Variants in PCDHGB4 observed in about 807,000 individuals in gnomAD.
PCDHGB4 encodes the protein protocadherin gamma-B4.
PCDHGB4 carries 38 observed loss-of-function variants against 60.5 expected under a neutral mutation model. That is an observed-to-expected ratio of 0.63 (90% CI 0.48 to 0.82). The LOEUF is 0.82. Ranked by LOEUF, PCDHGB4 falls within the 40% of genes least tolerant of loss-of-function variation. The pLI is 0.00. For synonymous variants in PCDHGB4, 456 were observed against 509.7 expected (o/e 0.89, Z 1.42); for missense variants, 1,109 against 1,209.6 (o/e 0.92, Z 1.23).
chr5:141,490,396 A>G lies in PCDHGB4; in HGVS notation c.2398-4411A>G. ...GGACTCAGGTAGAAATGGTGAAGTGAGCCTTGATATCTCTCCGGACCTGCC... is the reference window on the plus strand; with the variant it reads ...GGACTCAGGTAGAAATGGTGAAGTGGGCCTTGATATCTCTCCGGACCTGCC... On this transcript the variant is annotated intron_variant, in intron 1 of 3. Coordinates refer to ENST00000519479, the MANE Select transcript of PCDHGB4 (RefSeq NM_003736.4). The surrounding 1 kb of genome is among the most constrained non-coding windows in gnomAD (Gnocchi z 5.4). 1 of 1,614,146 alleles carries G rather than the reference A, an allele frequency of 6.2e-7. No homozygotes were observed. The highest frequency in any genetic ancestry group is 8.5e-7 in the Non-Finnish European group (1 of 1,180,030).
At chr5:141,453,932 C>T (rs57919166) in intron 1 of PCDHGB4, among the ~76,000 whole-genome samples, 2 of 152,296 alleles carry the variant, frequency 1.3e-5, no homozygotes, top group African/African-American at 4.8e-5. Context: ...TCACTGTGTG[C>T]CTATAATTTA....
intron 1 of PCDHGB4, among the ~76,000 whole-genome samples, chr5:141,470,055 G>A (rs1432696943): frequency 1.3e-5 from 2 of 152,192 alleles, no homozygotes; most frequent in Non-Finnish European, 1.5e-5. Context: ...TTTGAACCCC[G>A]GAGGCAGAGA....
At chr5:141,500,167 A>C (rs976308963) in intron 2 of PCDHGB4, among the ~76,000 whole-genome samples, 1 of 150,656 alleles carries the variant, frequency 6.6e-6, no homozygotes, top group African/African-American at 2.4e-5. Context: ...AAGAACATGC[A>C]TGAGCTTCAT....
At position 141,498,971 on chromosome 5, in the gene PCDHGB4, G is replaced by GGGAAGGAAGGAA. The variant is rs201769957; in HGVS notation, c.2456+4152_2456+4163dup. On this transcript the variant is annotated intron_variant, in intron 2 of 3. Coordinates refer to ENST00000519479, the MANE Select transcript of PCDHGB4 (RefSeq NM_003736.4). ...AAAAAGAGAGAGAGGGAGGGAGGGA[G>GGGAAGGAAGGAA]GGAAGGAAGGAAGGAAGGAAGGAAG... 6.8e-3 allele frequency among the ~76,000 whole-genome samples: 758 copies of GGGAAGGAAGGAA among 111,036 alleles called. 12 individuals are homozygous for GGGAAGGAAGGAA. Among genetic ancestry groups the GGGAAGGAAGGAA allele is most frequent in the African/African-American group, 0.021 (585 of 27,816 alleles). 72.8% of individuals were successfully genotyped at this position (111,036 alleles called of 152,430 possible). A position where few individuals can be genotyped will look rare whatever the true frequency, so the allele number is the denominator to read the frequency against.
chr5:141,468,801 A>G (rs949203275), intron 1 of PCDHGB4, among the ~76,000 whole-genome samples: 15 of 151,736 alleles, frequency 9.9e-5, no homozygotes, highest in South Asian at 2.1e-4. Context: ...GGGAGGCGGA[A>G]CTTGCAGTGA....
chr5:141,410,415 T>C (rs1589759810), intron 1 of PCDHGB4: 1 of 1,614,066 alleles, frequency 6.2e-7, no homozygotes. Flanking sequence ...TCTGGACCTG[T>C]AGTTCCCCCC....
At chr5:141,420,190 A>T in intron 1 of PCDHGB4, 3 of 1,613,922 alleles carry the variant, frequency 1.9e-6, no homozygotes, top group Non-Finnish European at 2.5e-6. Flanking sequence ...GTCCAGCCAC[A>T]CAAGATAACC....
At chr5:141,409,638 C>A (rs1040366842) in intron 1 of PCDHGB4, 1 of 1,613,648 alleles carries the variant, frequency 6.2e-7, no homozygotes, top group Admixed American at 1.7e-5. Flanking sequence ...GCCTCTGACC[C>A]GGATTTGGGG....
chr5:141,389,205 G>A lies in PCDHGB4; in HGVS notation c.1321G>A (p.Gly441Ser). The change falls in exon 1 of 4, where the codon GGT becomes AGT. Residue 441 changes from glycine (G) to serine (S), a missense_variant. Physicochemically the swap from Gly to Ser is moderately conservative, Grantham distance 56 (BLOSUM62 0). Transcript: ENST00000519479. The stretch of plus-strand genomic sequence containing the variant: ...CAGTTCCAGCATCACCCTGCACATT[G>A]GTGATGTAAATGACAACGCTCCGGT... Reference protein sequence around the residue: ...SSSSSITLHIGDVNDNAPVFS... With the variant: ...SSSSSITLHISDVNDNAPVFS... 6.2e-7 allele frequency: 1 copy of A among 1,614,040 alleles called. No individual in the cohort carries two copies. The highest frequency in any genetic ancestry group is 8.5e-7 in the Non-Finnish European group (1 of 1,179,898).
In PCDHGB4 at chr5:141,415,753, T is replaced by G. The variant is rs763784703; in HGVS notation, c.2397+25472T>G. On this transcript the variant is annotated intron_variant, in intron 1 of 3. Transcript: ENST00000519479. The stretch of plus-strand genomic sequence containing the variant: ...ATGTTTATTAAGGTTTTTTTTTTTT[T>G]TTTTTTTTTTTTTTTTTTTACTTTC... 6.3e-5 allele frequency: 87 copies of G among 1,381,374 alleles called. 1 individual carries two copies. The highest frequency in any genetic ancestry group is 3.3e-4 in the Admixed American group (10 of 29,906). 85.6% of individuals were successfully genotyped at this position (1,381,374 alleles called of 1,614,324 possible).
At chr5:141,470,511 A>T (rs1043414941) in intron 1 of PCDHGB4, among the ~76,000 whole-genome samples, 37 of 152,198 alleles carry the variant, frequency 2.4e-4, no homozygotes, top group African/African-American at 8.7e-4. Flanking sequence ...TTAGACAGTT[A>T]GCTAATATTA....
intron 1 of PCDHGB4, chr5:141,393,420 G>A (rs2092755571): frequency 1.2e-6 from 2 of 1,614,050 alleles, no homozygotes; most frequent in Non-Finnish European, 1.7e-6. Context: ...CCTGGACAGG[G>A]AGGAAGAGGC....
At chr5:141,508,033 C>A (rs1596123382) in intron 3 of PCDHGB4, 1 of 152,290 alleles carries the variant, frequency 6.6e-6, no homozygotes, top group Non-Finnish European at 1.5e-5. Flanking sequence ...GTTTGCAGCT[C>A]AGCCAGCTGT....
chr5:141,389,424 G>A lies in PCDHGB4; in HGVS notation c.1540G>A (p.Ala514Thr), dbSNP rs746873845. 51 of 1,613,390 alleles carry A rather than the reference G, an allele frequency of 3.2e-5. No homozygotes were observed. Among genetic ancestry groups the A allele is most frequent in the East Asian group, 8.9e-5 (4 of 44,896 alleles). The stretch of plus-strand genomic sequence containing the variant: ...AAGCGCGGAGAGCGGGGTGGTGTTC[G>A]CGCAGCGCGCCTTCGACCACGAGCA... ...SISAESGVVFAQRAFDHEQLR... is the reference protein window; with the variant it reads ...SISAESGVVFTQRAFDHEQLR... The change falls in exon 1 of 4, where the codon GCG (alanine) becomes ACG (threonine). Residue 514 changes from alanine (A) to threonine (T), a missense_variant. Transcript: ENST00000519479.
intron 1 of PCDHGB4, chr5:141,420,319 G>A (rs1393746531): frequency 7.0e-7 from 1 of 1,437,540 alleles, no homozygotes; most frequent in Non-Finnish European, 9.4e-7. Flanking sequence ...ATTACAATAT[G>A]CCAATATATT....
intron 1 of PCDHGB4, chr5:141,413,494 G>C: frequency 6.2e-7 from 1 of 1,614,042 alleles, no homozygotes; most frequent in Non-Finnish European, 8.5e-7. Flanking sequence ...CGCGCGGTGC[G>C]TGGTGAGTTT....
intron 1 of PCDHGB4, chr5:141,393,020 A>G: frequency 2.5e-6 from 4 of 1,613,760 alleles, no homozygotes; most frequent in Non-Finnish European, 3.4e-6. Flanking sequence ...TCGTCTCCAG[A>G]GGTAGGACGC....
rs765047622 is a variant in PCDHGB4 at position 141,486,776 on chromosome 5, G to A, written c.2398-8031G>A. On this transcript the variant is annotated intron_variant, in intron 1 of 3. Coordinates refer to ENST00000519479, the MANE Select transcript of PCDHGB4 (RefSeq NM_003736.4). This position sits in a 1 kb window ranked among gnomAD's most constrained non-coding sequence, Gnocchi z 5.0. ...GCAAACCCAGACACTGCAGTTTGAGGTGCAGGCCCGGGATCGGGGCAACCC... is the reference window on the plus strand; with the variant it reads ...GCAAACCCAGACACTGCAGTTTGAGATGCAGGCCCGGGATCGGGGCAACCC... 1.2e-6 allele frequency: 2 copies of A among 1,614,254 alleles called. No individual in the cohort carries two copies. Among genetic ancestry groups the A allele is most frequent in the Non-Finnish European group, 1.7e-6 (2 of 1,180,050 alleles).
intron 1 of PCDHGB4, among the ~76,000 whole-genome samples, chr5:141,401,385 T>A (rs965055223): frequency 6.6e-6 from 1 of 152,182 alleles, no homozygotes; most frequent in Non-Finnish European, 1.5e-5. Flanking sequence ...AGAAAAATAC[T>A]ACATGTTATG....
Sources: gnomAD v4.1 joint callset for allele counts (sites outside exome capture counted in the v4.1 genomes callset) on GRCh38, gnomAD v4.1.1 for gene constraint, Gnocchi (gnomAD v3.1) non-coding constraint, MANE v1.5 for transcripts, NCBI Gene and HGNC (gene_info 2026-07-23, HGNC 2026-07-21) for gene names.